LRP2: variants seen among roughly 807,000 people sequenced by gnomAD.
LRP2 encodes LDL receptor related protein 2, also known as low-density lipoprotein receptor-related protein 2.
LRP2 carries 172 observed loss-of-function variants against 531.0 expected under a neutral mutation model. The ratio of observed to expected loss-of-function variants is 0.32; its 90% CI spans 0.29 to 0.37. The LOEUF (loss-of-function observed/expected upper bound fraction) is 0.37, where lower values mean the gene tolerates loss of function less well. Among genes scored for constraint, LRP2 ranks in the 10% least tolerant of loss-of-function variants. The pLI is 1.00. For missense variants in LRP2, 5,167 were observed against 5,868.3 expected, an observed-to-expected ratio of 0.88 and a Z score of 3.90; for synonymous variants, 1,992 against 2,027.6, an observed-to-expected ratio of 0.98 and a Z score of 0.47.
intron 8 of LRP2, among the ~76,000 whole-genome samples, chr2:169,290,434 A>G (rs115844397): frequency 1.5e-4 from 23 of 152,134 alleles, no homozygotes; most frequent in Non-Finnish European, 2.6e-4. Context: ...AGTTGCTAAA[A>G]AATTGTTAGG....
intron 9 of LRP2, among the ~76,000 whole-genome samples, chr2:169,284,398 G>A (rs1261144944): frequency 6.6e-6 from 1 of 150,870 alleles, no homozygotes; most frequent in East Asian, 2.0e-4. Context: ...CCGAGTAGCT[G>A]GAACTACAGG....
intron 72 of LRP2, 107 bp from the exon 73 acceptor site, chr2:169,139,717 A>G: frequency 1.1e-6 from 1 of 935,208 alleles, no homozygotes; most frequent in Non-Finnish European, 1.8e-6. Context: ...CATAAATTAC[A>G]TGTTGAACAG....
chr2:169,271,050 G>T lies in LRP2; in HGVS notation c.2174C>A (p.Thr725Asn), dbSNP rs751817332. ...SQVAIRGIPFTLSTQEDVMVP... is the reference protein window; with the variant it reads ...SQVAIRGIPFNLSTQEDVMVP... ...CATGACATCTTCCTGGGTAGACAAG[G>T]TGAACGGGATCCCACGAATAGCAAC... The change falls in exon 16 of 79, where the codon ACC becomes AAC. Residue 725 changes from threonine (T) to asparagine (N), a missense_variant. Thr to Asn is a moderately conservative substitution (Grantham distance 65, BLOSUM62 0). This residue lies in a region of LRP2 where 2,811 missense variants were observed against 3,058.0 expected (regional missense o/e 0.92). Coordinates refer to ENST00000649046, the MANE Select transcript of LRP2 (RefSeq NM_004525.3). The T allele has an allele frequency of 1.9e-6, 3 of 1,613,222 alleles. No homozygotes were observed. Among genetic ancestry groups the T allele is most frequent in the Non-Finnish European group, 2.5e-6 (3 of 1,179,510 alleles).
At chr2:169,209,686 T>C in intron 37 of LRP2, 45 bp from the exon 38 acceptor site, 2 of 1,579,678 alleles carry the variant, frequency 1.3e-6, no homozygotes, top group Non-Finnish European at 1.7e-6. Flanking sequence ...TCACTGAAAT[T>C]AGAACTTTTA....
chr2:169,164,122 G>A (rs970535469), intron 62 of LRP2, among the ~76,000 whole-genome samples: 3 of 152,160 alleles, frequency 2.0e-5, no homozygotes, highest in Non-Finnish European at 4.4e-5. Context: ...CAGCCCAGTG[G>A]GACTTCAGAA....
In LRP2 at chr2:169,243,353, A is replaced by T. The variant is rs569527816; in HGVS notation, c.3550+50T>A. 6 of 1,609,330 alleles carry T rather than the reference A, an allele frequency of 3.7e-6. No individual in the cohort carries two copies. The South Asian group carries it at 5.5e-5, about 15-fold the overall frequency. ...TCCCTGTGTCCATGTGTTAACACTG[A>T]GATTTTTCTAAATAAACATTGTGAA... On this transcript the variant is annotated intron_variant, in intron 23 of 78. Coordinates refer to ENST00000649046, the MANE Select transcript of LRP2 (RefSeq NM_004525.3).
chr2:169,289,405 G>A (rs1306190268), intron 8 of LRP2, among the ~76,000 whole-genome samples: 3 of 151,974 alleles, frequency 2.0e-5, no homozygotes, highest in Non-Finnish European at 2.9e-5. Flanking sequence ...AAAAATAAAA[G>A]CATTAGCCAG....
chr2:169,274,401 T>C lies in LRP2; in HGVS notation c.1975+635A>G, dbSNP rs558728062. On this transcript the variant is annotated intron_variant, in intron 14 of 78. Transcript: ENST00000649046. ...GAGTTCCAGAAAAGTCTGGCCAACA[T>C]AGTGGAAATCCCATCTCAGAAAAAA... Among the ~76,000 whole-genome samples the C allele has an allele frequency of 1.1e-4, 16 of 152,170 alleles. No homozygotes were observed. The East Asian group carries it at 1.4e-3, about 13-fold the overall frequency.
chr2:169,329,482 TGAG>T (rs1204902204), intron 1 of LRP2, among the ~76,000 whole-genome samples: 3 of 152,300 alleles, frequency 2.0e-5, no homozygotes, highest in Admixed American at 6.5e-5. Flanking sequence ...GCAACAAGGC[TGAG>T]AAGATGGAGA....
At chr2:169,133,126 A>C (rs1685353045) in intron 76 of LRP2, among the ~76,000 whole-genome samples, 1 of 152,242 alleles carries the variant, frequency 6.6e-6, no homozygotes, top group African/African-American at 2.4e-5. Flanking sequence ...ATTTCTTTGA[A>C]TATTAATAAA....
At chr2:169,224,535 G>A (rs977166385) in intron 33 of LRP2, among the ~76,000 whole-genome samples, 4 of 152,138 alleles carry the variant, frequency 2.6e-5, no homozygotes, top group Non-Finnish European at 5.9e-5. Context: ...AAACTGTACT[G>A]GAGCCATAGA....
intron 55 of LRP2, among the ~76,000 whole-genome samples, chr2:169,174,371 A>G (rs1292255332): frequency 6.6e-6 from 1 of 152,216 alleles, no homozygotes; most frequent in Non-Finnish European, 1.5e-5. Context: ...TCTTTATTGC[A>G]TACAGACTTA....
chr2:169,333,918 T>C (rs1685334216), intron 1 of LRP2, among the ~76,000 whole-genome samples: 1 of 152,230 alleles, frequency 6.6e-6, no homozygotes, highest in African/African-American at 2.4e-5. Context: ...CTTCACGTTA[T>C]AATGTGATTG....
intron 48 of LRP2, among the ~76,000 whole-genome samples, chr2:169,189,511 G>A (rs905417010): frequency 1.3e-5 from 2 of 152,116 alleles, no homozygotes; most frequent in Non-Finnish European, 2.9e-5. Flanking sequence ...AAGTCATCAA[G>A]CAAATCACCA....
intron 17 of LRP2, among the ~76,000 whole-genome samples, chr2:169,258,612 T>A (rs533452059): frequency 5.3e-5 from 8 of 152,250 alleles, no homozygotes; most frequent in Admixed American, 1.3e-4. Context: ...TGAAAAACTT[T>A]TTATTCTGAA....
At chr2:169,182,575 C>A in intron 50 of LRP2, 14 of 1,344,910 alleles carry the variant, frequency 1.0e-5, no homozygotes, top group Non-Finnish European at 1.3e-5. Context: ...ACACTTCATT[C>A]GACGGGTCTG....
At chr2:169,224,676 T>C (rs917154029) in intron 33 of LRP2, among the ~76,000 whole-genome samples, 1 of 152,252 alleles carries the variant, frequency 6.6e-6, no homozygotes, top group African/African-American at 2.4e-5. Flanking sequence ...GAATTCCTTA[T>C]GCAACTTTTA....
rs991269256 is a variant in LRP2, at chr2:169,279,663, T to C, written c.1342-68A>G. 5.1e-6 allele frequency: 5 copies of C among 977,798 alleles called. No individual in the cohort carries two copies. In the African/African-American group the frequency reaches 6.5e-5, roughly 13 times the overall value. 60.6% of individuals were successfully genotyped at this position (977,798 alleles called of 1,614,324 possible). Reference sequence around the variant, plus strand: ...AACTACGTGGTTTGTTTTGATTTTTTTTAGCTATAATCAAATCAGAAGTGC... The same window carrying C: ...AACTACGTGGTTTGTTTTGATTTTTCTTAGCTATAATCAAATCAGAAGTGC... On this transcript the variant is annotated intron_variant, in intron 11 of 78. Transcript: ENST00000649046.
intron 63 of LRP2, among the ~76,000 whole-genome samples, chr2:169,160,685 A>AAAAAAAAAAAAAAACAAAAAAAC (rs970862922): frequency 2.3e-4 from 22 of 94,282 alleles, no homozygotes; most frequent in East Asian, 1.9e-3. Flanking sequence ...ATTTCCTTAA[A>AAAAAAAAAAAAAAACAAAAAAAC]AAAAAAAAAA....
Sources: allele counts gnomAD v4.1 joint callset (sites outside exome capture counted in the v4.1 genomes callset), GRCh38; gene constraint gnomAD v4.1.1; regional missense constraint gnomAD v4.1.1; transcripts MANE v1.5; gene names NCBI Gene and HGNC (gene_info 2026-07-23, HGNC 2026-07-21).